Variants in FHOD3 observed in about 807,000 individuals in gnomAD.
FHOD3 encodes formin homology 2 domain containing 3.
In FHOD3, 90 loss-of-function variants were observed where a neutral mutation model predicts 173.0. The observed-to-expected ratio is 0.52, with a 90% CI of 0.44 to 0.62. The LOEUF is 0.62. Ranked by LOEUF, FHOD3 falls within the 20% of genes least tolerant of loss-of-function variation. The pLI is 0.00. For synonymous variants in FHOD3, 828 were observed against 823.0 expected (o/e 1.01, Z -0.10); for missense variants, 1,945 against 2,034.7 (o/e 0.96, Z 0.85).
chr18:36,375,786 ATTTGGCCGGAGG>A (rs1197738999), intron 3 of FHOD3, among the ~76,000 whole-genome samples: 1 of 152,098 alleles, frequency 6.6e-6, no homozygotes, highest in Non-Finnish European at 1.5e-5. Flanking sequence ...GCTCTGAAGC[ATTTGGCCGGAGG>A]TTGGAATGAG....
intron 3 of FHOD3, among the ~76,000 whole-genome samples, chr18:36,374,861 G>A (rs76177947): frequency 6.7e-6 from 1 of 149,760 alleles, no homozygotes; most frequent in Non-Finnish European, 1.5e-5. Flanking sequence ...TTTATGTATT[G>A]TTTTCAAAAG....
intron 5 of FHOD3, among the ~76,000 whole-genome samples, chr18:36,551,932 A>T (rs144658348): frequency 1.3e-5 from 2 of 152,188 alleles, no homozygotes; most frequent in Non-Finnish European, 2.9e-5. Flanking sequence ...AGGTAGCGTG[A>T]TGCCTCCAGC....
chr18:36,451,995 C>CG (rs796131590), intron 3 of FHOD3, among the ~76,000 whole-genome samples: 5 of 152,146 alleles, frequency 3.3e-5, no homozygotes, highest in African/African-American at 1.2e-4. Context: ...TTTTGTACCC[C>CG]CTTTGCCCTC....
chr18:36,304,312 A>C lies in FHOD3; in HGVS notation c.165+6312A>C, dbSNP rs546884067. Among the ~76,000 whole-genome samples the C allele has an allele frequency of 6.6e-5, 10 of 152,338 alleles. No homozygotes were observed. The South Asian group carries it at 2.1e-3, about 32-fold the overall frequency. The stretch of plus-strand genomic sequence containing the variant: ...TCAGAATAATTCCAGATAAGAGACA[A>C]GTAGGTGAGTCAATATATGGATGGA... On this transcript the variant is annotated intron_variant, in intron 1 of 28. Coordinates refer to ENST00000590592, the MANE Select transcript of FHOD3 (RefSeq NM_001281740.3).
At chr18:36,322,543 C>T (rs1427814954) in intron 1 of FHOD3, among the ~76,000 whole-genome samples, 2 of 151,930 alleles carry the variant, frequency 1.3e-5, no homozygotes, top group African/African-American at 2.4e-5. Flanking sequence ...GTTTGGGTGC[C>T]GGGGTTGGCA....
chr18:36,362,255 C>T (rs556917418), intron 2 of FHOD3, among the ~76,000 whole-genome samples: 72 of 151,988 alleles, frequency 4.7e-4, no homozygotes, highest in South Asian at 4.4e-3. Flanking sequence ...ACCTGGTAGC[C>T]GAGGAAGGTG....
At chr18:36,446,078 A>C (rs2051454070) in intron 3 of FHOD3, among the ~76,000 whole-genome samples, 1 of 152,154 alleles carries the variant, frequency 6.6e-6, no homozygotes, top group Non-Finnish European at 1.5e-5. Flanking sequence ...AGGACAGCAG[A>C]TAGAAAAGGA....
intron 6 of FHOD3, among the ~76,000 whole-genome samples, chr18:36,588,471 T>A (rs964914050): frequency 6.6e-6 from 1 of 152,232 alleles, no homozygotes; most frequent in Admixed American, 6.5e-5. Context: ...TTATATAACA[T>A]ATATTTATGA....
chr18:36,717,768 G>A lies in FHOD3; in HGVS notation c.2534-64G>A, dbSNP rs768954889. On this transcript the variant is annotated intron_variant, in intron 18 of 28. Transcript: ENST00000590592. ...TGTGTCAGGCTCACTTATTCTCATC[G>A]ATTCTCTCATGGAAGTGAGGCCCCC... 479 of 1,507,540 alleles carry A rather than the reference G, an allele frequency of 3.2e-4. 1 individual carries two copies. The highest frequency in any genetic ancestry group is 3.9e-4 in the Non-Finnish European group (439 of 1,128,690). 93.4% of individuals were successfully genotyped at this position (1,507,540 alleles called of 1,614,324 possible).
At chr18:36,567,487 A>G (rs974176042) in intron 5 of FHOD3, among the ~76,000 whole-genome samples, 1 of 152,206 alleles carries the variant, frequency 6.6e-6, no homozygotes, top group Non-Finnish European at 1.5e-5. Context: ...GAGTAAGTAC[A>G]CAGGACCCTG....
chr18:36,570,630 C>T (rs1056958884), intron 5 of FHOD3, among the ~76,000 whole-genome samples: 19 of 151,982 alleles, frequency 1.3e-4, no homozygotes, highest in African/African-American at 4.6e-4. Context: ...AAAAAATCCT[C>T]AACAAATATT....
chr18:36,480,626 T>G (rs2053831215), intron 3 of FHOD3, among the ~76,000 whole-genome samples: 1 of 152,216 alleles, frequency 6.6e-6, no homozygotes, highest in East Asian at 1.9e-4. Context: ...CGTAGGAGAG[T>G]AACTTTAGTC....
chr18:36,542,640 CTTTTCTG>C (rs891591130), intron 5 of FHOD3, among the ~76,000 whole-genome samples: 1 of 152,134 alleles, frequency 6.6e-6, no homozygotes, highest in African/African-American at 2.4e-5. Context: ...TCTTAAAACA[CTTTTCTG>C]TTTTCAAAAG....
intron 3 of FHOD3, among the ~76,000 whole-genome samples, chr18:36,374,431 T>C (rs79672744): frequency 0.013 from 1,949 of 152,352 alleles, 42 homozygotes; most frequent in African/African-American, 0.045. Flanking sequence ...ATCAGAATTA[T>C]GTAATTTAAT....
intron 28 of FHOD3, among the ~76,000 whole-genome samples, chr18:36,771,038 T>A (rs1411340166): frequency 6.6e-6 from 1 of 152,204 alleles, no homozygotes; most frequent in Non-Finnish European, 1.5e-5. Flanking sequence ...TCTTCTGATA[T>A]TTTCCTATAT....
In FHOD3 at chr18:36,747,096, T is replaced by C; in HGVS notation, c.4193T>C (p.Ile1398Thr). The C allele has an allele frequency of 6.2e-7, 1 of 1,612,830 alleles. No individual in the cohort carries two copies. Among genetic ancestry groups the C allele is most frequent in the Non-Finnish European group, 8.5e-7 (1 of 1,179,664 alleles). ...TTCCTGAAAGACTGTGCAGAGCGAA[T>C]TATAATTTTAAAGATTGTCCATAGA... ...SEFLKDCAER[I>T]IILKIVHRRI... The change falls in exon 24 of 29, where the codon ATT becomes ACT. Residue 1398 changes from isoleucine (I) to threonine (T), a missense_variant. Coordinates refer to ENST00000590592, the MANE Select transcript of FHOD3 (RefSeq NM_001281740.3).
intron 5 of FHOD3, among the ~76,000 whole-genome samples, chr18:36,533,233 G>T (rs2056859128): frequency 6.6e-6 from 1 of 152,256 alleles, no homozygotes; most frequent in Non-Finnish European, 1.5e-5. Flanking sequence ...CATGATGAAA[G>T]TATCCTCCTG....
chr18:36,718,304 G>C lies in FHOD3; in HGVS notation c.3006G>C (p.Glu1002Asp). 1.2e-6 allele frequency: 2 copies of C among 1,614,124 alleles called. No individual in the cohort carries two copies. The highest frequency in any genetic ancestry group is 1.7e-6 in the Non-Finnish European group (2 of 1,180,020). ...IQDMDFTDLG[E>D]EDDIDVLDVD... ...ACATGGATTTCACTGACCTGGGGGA[G>C]GAGGATGACATTGATGTCCTAGATG... Residue 1002 changes from glutamate to aspartate, a missense_variant, in exon 19 of 29, where the codon GAG (glutamate) becomes GAC (aspartate). Glu to Asp is a conservative substitution (Grantham distance 45, BLOSUM62 2). Transcript: ENST00000590592.
rs564918818 is a variant in FHOD3, at chr18:36,335,499, A to T, written c.166-20040A>T. ...GACAGAGCGAGACTCCGTCTAAAAA[A>T]AAAAAAAAAACTTAAAAAAAATCTC... On this transcript the variant is annotated intron_variant, in intron 1 of 28. Transcript: ENST00000590592. Among the ~76,000 whole-genome samples the T allele has an allele frequency of 2.6e-5, 4 of 152,158 alleles. No homozygotes were observed. In the East Asian group the frequency reaches 7.7e-4, roughly 29 times the overall value.
Sources: allele counts gnomAD v4.1 joint callset (sites outside exome capture counted in the v4.1 genomes callset), GRCh38; gene constraint gnomAD v4.1.1; transcripts MANE v1.5; gene names NCBI Gene and HGNC (gene_info 2026-07-23, HGNC 2026-07-21).